The following ELMO1 variants were observed in gnomAD, a reference collection of about 807,000 sequenced individuals.
ELMO1 encodes the protein engulfment and cell motility 1, also known as engulfment and cell motility protein 1.
A neutral mutation model predicts 98.9 loss-of-function variants in ELMO1; 26 were observed. That is an observed-to-expected ratio of 0.26 (90% CI 0.19 to 0.36). The LOEUF is 0.36. Ranked by LOEUF, ELMO1 falls within the 10% of genes least tolerant of loss-of-function variation. The pLI, the probability that ELMO1 is intolerant of heterozygous loss-of-function variation, is 1.00. For synonymous variants in ELMO1, 346 were observed against 346.0 expected (o/e 1.00, Z 0.00); for missense variants, 627 against 935.2 (o/e 0.67, Z 4.30).
intron 15 of ELMO1, among the ~76,000 whole-genome samples, chr7:37,014,162 T>C (rs1325168277): frequency 6.6e-6 from 1 of 151,996 alleles, no homozygotes; most frequent in Non-Finnish European, 1.5e-5. Context: ...GTCTGGTCCC[T>C]ACTCTCCTCC....
intron 6 of ELMO1, among the ~76,000 whole-genome samples, chr7:37,255,161 T>C (rs977271170): frequency 3.3e-5 from 5 of 152,220 alleles, no homozygotes; most frequent in African/African-American, 1.2e-4. Context: ...TACCTCAGAA[T>C]GGGACAGTAT....
intron 14 of ELMO1, among the ~76,000 whole-genome samples, chr7:37,107,060 C>T (rs1275508336): frequency 6.6e-6 from 1 of 152,178 alleles, no homozygotes; most frequent in Non-Finnish European, 1.5e-5. Flanking sequence ...CCCAACATCC[C>T]TACAGTGTAT....
intron 13 of ELMO1, among the ~76,000 whole-genome samples, chr7:37,196,087 GAAGCAAGGTCATCAAC>G (rs1791947928): frequency 6.6e-6 from 1 of 152,204 alleles, no homozygotes; most frequent in African/African-American, 2.4e-5. Context: ...CCCTGGTTAT[GAAGCAAGGTCATCAAC>G]AAATGAACAA....
intron 15 of ELMO1, among the ~76,000 whole-genome samples, chr7:37,084,569 C>T (rs943223384): frequency 6.6e-6 from 1 of 152,148 alleles, no homozygotes; most frequent in African/African-American, 2.4e-5. Flanking sequence ...ATAATTCACT[C>T]CATCTAATAC....
At position 37,136,748 on chromosome 7, in the gene ELMO1, C is replaced by CA. The variant is rs60360241; in HGVS notation, c.1087-3515dup. Among the ~76,000 whole-genome samples the CA allele has an allele frequency of 5.4e-3, 754 of 140,712 alleles. 1 individual carries two copies. Among genetic ancestry groups the CA allele is most frequent in the Middle Eastern group, 0.019 (5 of 268 alleles). The allele number at this position is 140,712 out of a possible 152,430, so 92.3% of individuals were successfully genotyped here. On this transcript the variant is annotated intron_variant, in intron 13 of 21. Transcript: ENST00000310758. ...AGCTCTAAATCTTGAAACAAATCCT[C>CA]AAAAAAAAAAAGAAAAAAATAGAAC...
In ELMO1 at chr7:37,084,589, C is replaced by T. The variant is rs757664138; in HGVS notation, c.1300+12030G>A. Among the ~76,000 whole-genome samples, 12 of 152,144 alleles carry T rather than the reference C, an allele frequency of 7.9e-5. 1 individual carries two copies. The highest frequency in any genetic ancestry group is 1.5e-4 in the Non-Finnish European group (10 of 68,030). On this transcript the variant is annotated intron_variant, in intron 15 of 21. Coordinates refer to ENST00000310758, the MANE Select transcript of ELMO1 (RefSeq NM_014800.11). ...TCACTCCATCTAATACCTGCATCAC[C>T]TCAGTCTACTTAACCTCTCCCTTCA...
At chr7:37,278,547 G>A (rs1027753389) in intron 4 of ELMO1, among the ~76,000 whole-genome samples, 3 of 152,010 alleles carry the variant, frequency 2.0e-5, no homozygotes, top group African/African-American at 7.2e-5. Context: ...AAACAGAGCC[G>A]AGGGTACCTT....
chr7:37,424,198 G>T (rs1804610149), intron 1 of ELMO1, among the ~76,000 whole-genome samples: 1 of 152,208 alleles, frequency 6.6e-6, no homozygotes, highest in Admixed American at 6.5e-5. Flanking sequence ...AGGCAAAGTA[G>T]AAAAGCCATA....
chr7:37,349,986 G>A (rs1317270030), intron 1 of ELMO1, among the ~76,000 whole-genome samples: 2 of 152,170 alleles, frequency 1.3e-5, no homozygotes, highest in East Asian at 1.9e-4. Context: ...CAGGTTTGCT[G>A]AAGCCAGTCT....
intron 15 of ELMO1, among the ~76,000 whole-genome samples, chr7:37,078,553 G>T (rs2129232839): frequency 6.6e-6 from 1 of 152,044 alleles, no homozygotes; most frequent in East Asian, 1.9e-4. Flanking sequence ...GAATCTACAT[G>T]ACTGCTCTGT....
chr7:37,335,125 C>G (rs776444272), intron 2 of ELMO1, among the ~76,000 whole-genome samples: 1 of 151,894 alleles, frequency 6.6e-6, no homozygotes, highest in African/African-American at 2.4e-5. Flanking sequence ...AATTACGTTA[C>G]GTGTGAAATA....
intron 4 of ELMO1, among the ~76,000 whole-genome samples, chr7:37,297,620 AAGAC>A (rs199497528): frequency 0.051 from 7,699 of 151,998 alleles, 234 homozygotes; most frequent in African/African-American, 0.075. Flanking sequence ...AAAAAAAAAA[AAGAC>A]AGAGAGAGGA....
In ELMO1 at chr7:37,277,007, G is replaced by C. The variant is rs1224802157; in HGVS notation, c.193-5125C>G. On this transcript the variant is annotated intron_variant, in intron 4 of 21. Transcript: ENST00000310758. ...CACCCCTAGGATGTCACCTCCATGA[G>C]AGCAGATAGTTTATTATGTCTATAT... Among the ~76,000 whole-genome samples, 9 of 152,332 alleles carry C rather than the reference G, an allele frequency of 5.9e-5. No individual in the cohort carries two copies. In the South Asian group the frequency reaches 1.7e-3, roughly 28 times the overall value.
intron 15 of ELMO1, among the ~76,000 whole-genome samples, chr7:37,069,002 C>T (rs1797129699): frequency 6.6e-6 from 1 of 152,184 alleles, no homozygotes; most frequent in African/African-American, 2.4e-5. Context: ...AAATGATGGT[C>T]ACATGTCTCC....
intron 4 of ELMO1, among the ~76,000 whole-genome samples, chr7:37,279,525 G>T (rs377760125): frequency 6.6e-6 from 1 of 152,198 alleles, no homozygotes; most frequent in Non-Finnish European, 1.5e-5. Context: ...CCCAACTGTG[G>T]AAGTAGGAAA....
chr7:36,863,443 TA>T (rs556808100), intron 20 of ELMO1, among the ~76,000 whole-genome samples: 32 of 151,698 alleles, frequency 2.1e-4, no homozygotes, highest in East Asian at 1.5e-3. Context: ...TCATTCTTTT[TA>T]AAAAAAAATC....
intron 13 of ELMO1, among the ~76,000 whole-genome samples, chr7:37,148,678 G>A (rs865859121): frequency 6.6e-6 from 1 of 152,150 alleles, no homozygotes; most frequent in African/African-American, 2.4e-5. Context: ...GTATTGTCAA[G>A]GTTTATAAAG....
chr7:36,937,520 C>T (rs1398514102), intron 16 of ELMO1, among the ~76,000 whole-genome samples: 2 of 152,210 alleles, frequency 1.3e-5, no homozygotes, highest in African/African-American at 2.4e-5. Flanking sequence ...ACCATAATTT[C>T]CTGTTGTCTG....
intron 15 of ELMO1, among the ~76,000 whole-genome samples, chr7:37,037,979 G>A (rs975686992): frequency 1.1e-4 from 16 of 152,054 alleles, no homozygotes; most frequent in Admixed American, 2.0e-4. Context: ...CAGGGATCAC[G>A]GTGCCAACTT....
Sources: gnomAD v4.1 joint callset for allele counts (sites outside exome capture counted in the v4.1 genomes callset) on GRCh38, gnomAD v4.1.1 for gene constraint, MANE v1.5 for transcripts, NCBI Gene and HGNC (gene_info 2026-07-23, HGNC 2026-07-21) for gene names.